DPY19L2: variants seen among roughly 807,000 people sequenced by gnomAD.
DPY19L2 encodes the protein dpy-19 like 2.
A neutral mutation model predicts 97.9 loss-of-function variants in DPY19L2; 34 were observed. The ratio of observed to expected loss-of-function variants is 0.35; its 90% confidence interval spans 0.26 to 0.46. The LOEUF (loss-of-function observed/expected upper bound fraction) is 0.46. Among genes scored for constraint, DPY19L2 ranks in the 20% least tolerant of loss-of-function variants. The pLI, the probability that DPY19L2 is intolerant of heterozygous loss-of-function variation, is 1.00. For synonymous variants in DPY19L2, 230 were observed against 307.9 expected (o/e 0.75, Z 2.65); for missense variants, 623 against 911.4 (o/e 0.68, Z 4.07).
At chr12:63,573,051 T>C (rs1415581498) in intron 19 of DPY19L2, among the ~76,000 whole-genome samples, 1 of 151,656 alleles carries the variant, frequency 6.6e-6, no homozygotes, top group African/African-American at 2.4e-5. Context: ...CCGACAAACA[T>C]CCACAAGCAT....
intron 13 of DPY19L2, among the ~76,000 whole-genome samples, chr12:63,599,684 C>T (rs12818708): frequency 0.4 from 60,874 of 151,728 alleles, 12,222 homozygotes; most frequent in East Asian, 0.48. Flanking sequence ...TAGATTCATG[C>T]ATTGTTTTCT....
At chr12:63,597,682 CA>C (rs1404585881) in intron 14 of DPY19L2, 126 bp downstream of exon 14, 1 of 796,460 alleles carries the variant, frequency 1.3e-6, no homozygotes, top group Non-Finnish European at 2.0e-6. Context: ...TGTAGATTAG[CA>C]AAAGTTACAG....
intron 11 of DPY19L2, among the ~76,000 whole-genome samples, chr12:63,609,447 T>G (rs1448650062): frequency 6.6e-6 from 1 of 151,978 alleles, no homozygotes; most frequent in Non-Finnish European, 1.5e-5. Context: ...GTCATGAGGG[T>G]GAAACCCTCA....
intron 11 of DPY19L2, among the ~76,000 whole-genome samples, chr12:63,611,179 T>C (rs1886956580): frequency 6.6e-6 from 1 of 151,910 alleles, no homozygotes; most frequent in African/African-American, 2.4e-5. Flanking sequence ...GCACATCAGG[T>C]AGTCTACACA....
chr12:63,632,659 A>G (rs573376998), intron 6 of DPY19L2, among the ~76,000 whole-genome samples: 2 of 152,316 alleles, frequency 1.3e-5, no homozygotes, highest in East Asian at 3.9e-4. Context: ...TTATAGATTC[A>G]ATGGAATCCC....
At chr12:63,577,582 C>G (rs1368199955) in intron 19 of DPY19L2, among the ~76,000 whole-genome samples, 2 of 149,742 alleles carry the variant, frequency 1.3e-5, no homozygotes, top group East Asian at 3.9e-4. Context: ...GCTCAAACAA[C>G]AAATCTAAAA....
intron 4 of DPY19L2, among the ~76,000 whole-genome samples, chr12:63,649,576 A>G (rs1289553891): frequency 1.3e-5 from 2 of 152,174 alleles, no homozygotes; most frequent in Admixed American, 6.5e-5. Context: ...TGGAAAACCT[A>G]GAAGAAATGG....
chr12:63,628,184 G>C (rs1204068136), intron 6 of DPY19L2, among the ~76,000 whole-genome samples: 2 of 152,170 alleles, frequency 1.3e-5, no homozygotes, highest in East Asian at 3.8e-4. Flanking sequence ...CTGAGGTACT[G>C]TGTTTATCTC....
Position 63,594,650 on chromosome 12 carries a change from GT to G in DPY19L2, c.1534-518del, listed in dbSNP as rs1565735243. 7.0e-4 allele frequency among the ~76,000 whole-genome samples: 80 copies of G among 113,642 alleles called. 1 individual carries two copies. The highest frequency in any genetic ancestry group is 2.9e-3 in the African/African-American group (75 of 25,770). 74.6% of individuals were successfully genotyped at this position (113,642 alleles called of 152,430 possible). ...TGGCTGCAGGGACGTGTGTGTGCGT[GT>G]CTGTGTGTGTGTGTGTGTGTATGCA... On this transcript the variant is annotated intron_variant, in intron 15 of 21. Transcript: ENST00000324472.
chr12:63,649,083 G>A (rs1192971276), intron 4 of DPY19L2, among the ~76,000 whole-genome samples: 1 of 152,052 alleles, frequency 6.6e-6, no homozygotes, highest in Non-Finnish European at 1.5e-5. Flanking sequence ...ATGACTTTCT[G>A]AGTCAACAAA....
At chr12:63,593,474 G>C (rs981282332) in intron 16 of DPY19L2, among the ~76,000 whole-genome samples, 6 of 152,078 alleles carry the variant, frequency 3.9e-5, no homozygotes, top group African/African-American at 1.4e-4. Context: ...AAAATGATGA[G>C]CTCATGTCCT....
At chr12:63,583,173 G>A (rs1881236813) in intron 17 of DPY19L2, among the ~76,000 whole-genome samples, 1 of 152,068 alleles carries the variant, frequency 6.6e-6, no homozygotes, top group African/African-American at 2.4e-5. Context: ...TTTTGGATAA[G>A]GGATACTCAA....
At chr12:63,637,401 TA>T (rs753601481) in intron 6 of DPY19L2, among the ~76,000 whole-genome samples, 1 of 151,712 alleles carries the variant, frequency 6.6e-6, no homozygotes, top group African/African-American at 2.4e-5. Flanking sequence ...AAAAACTCTT[TA>T]AAAAATCAAT....
chr12:63,632,656 T>A (rs1890909964), intron 6 of DPY19L2, among the ~76,000 whole-genome samples: 1 of 152,084 alleles, frequency 6.6e-6, no homozygotes, highest in Non-Finnish European at 1.5e-5. Context: ...AATTTATAGA[T>A]TCAATGGAAT....
intron 4 of DPY19L2, among the ~76,000 whole-genome samples, chr12:63,649,142 G>C (rs1893834077): frequency 6.6e-6 from 1 of 152,038 alleles, no homozygotes; most frequent in Non-Finnish European, 1.5e-5. Flanking sequence ...TGAAAATAAA[G>C]ATACAACATA....
At chr12:63,664,327 ACT>A (rs201396430) in intron 2 of DPY19L2, among the ~76,000 whole-genome samples, 2,012 of 150,832 alleles carry the variant, frequency 0.013, 29 homozygotes, top group Middle Eastern at 0.027. Context: ...ACAGAGTGAG[ACT>A]CTGTCTTAAA....
At chr12:63,602,251 G>A (rs1885306308) in intron 12 of DPY19L2, among the ~76,000 whole-genome samples, 1 of 152,024 alleles carries the variant, frequency 6.6e-6, no homozygotes, top group South Asian at 2.1e-4. Context: ...GGGAATGGAA[G>A]AAAAGGAGAA....
At chr12:63,645,112 G>A (rs1227513468) in intron 5 of DPY19L2, among the ~76,000 whole-genome samples, 1 of 151,916 alleles carries the variant, frequency 6.6e-6, no homozygotes, top group Non-Finnish European at 1.5e-5. Context: ...GTGGCAATAT[G>A]TACTTAACAA....
rs1397170785 is a variant in DPY19L2, at chr12:63,582,470, A to G, written c.1661T>C (p.Met554Thr). ...CGGTGTCAAAAACATCTTTAGCCTCATAATTAAAATGGCAAGGGCAGTAAA... is the reference window on the plus strand; with the variant it reads ...CGGTGTCAAAAACATCTTTAGCCTCGTAATTAAAATGGCAAGGGCAGTAAA... ...LVFTALAILI[M>T]RLKMFLTPHM... The change falls in exon 18 of 22, where the codon ATG becomes ACG. Residue 554 changes from methionine to threonine, a missense_variant. This residue lies in a region of DPY19L2 where 294 missense variants were observed against 446.2 expected (regional missense o/e 0.66). Transcript: ENST00000324472. 6.2e-7 allele frequency: 1 copy of G among 1,613,690 alleles called. No individual in the cohort carries two copies. The highest frequency in any genetic ancestry group is 1.3e-5 in the African/African-American group (1 of 75,056).
Sources: allele counts gnomAD v4.1 joint callset (sites outside exome capture counted in the v4.1 genomes callset), GRCh38; gene constraint gnomAD v4.1.1; regional missense constraint gnomAD v4.1.1; transcripts MANE v1.5; gene names NCBI Gene and HGNC (gene_info 2026-07-23, HGNC 2026-07-21).